Variants in PTPRG observed in about 807,000 individuals in gnomAD.
The protein encoded by PTPRG is protein tyrosine phosphatase receptor type G.
A neutral mutation model predicts 165.3 loss-of-function variants in PTPRG; 102 were observed. The observed-to-expected ratio is 0.62, with a 90% CI of 0.53 to 0.73. The LOEUF is 0.73. Ranked by LOEUF, PTPRG falls within the 30% of genes least tolerant of loss-of-function variation. The probability of loss-of-function intolerance (pLI) is 0.00; values close to 1 mark genes in which losing one functional copy is unlikely to be tolerated. For synonymous variants in PTPRG, 675 were observed against 669.5 expected (o/e 1.01, Z -0.13); for missense variants, 1,866 against 1,861.4 (o/e 1.00, Z -0.05).
At chr3:61,867,178 C>T (rs552240358) in intron 2 of PTPRG, among the ~76,000 whole-genome samples, 1 of 152,242 alleles carries the variant, frequency 6.6e-6, no homozygotes, top group African/African-American at 2.4e-5. Flanking sequence ...TGATGGCGGC[C>T]CCACTGGGTG....
intron 2 of PTPRG, among the ~76,000 whole-genome samples, chr3:61,985,073 C>G (rs992832615): frequency 2.6e-5 from 4 of 152,352 alleles, no homozygotes; most frequent in Middle Eastern, 3.4e-3. Context: ...ACTAAGGTGA[C>G]TTTTGCTAGG....
intron 4 of PTPRG, among the ~76,000 whole-genome samples, chr3:62,075,621 G>C (rs1196307614): frequency 3.9e-5 from 6 of 152,324 alleles, no homozygotes. Context: ...CCTAGGAAGT[G>C]TCCTGATTTG....
intron 2 of PTPRG, among the ~76,000 whole-genome samples, chr3:61,809,625 A>G (rs2035514497): frequency 6.6e-6 from 1 of 152,200 alleles, no homozygotes. Context: ...TGGACAGTGA[A>G]TACTATATGT....
intron 7 of PTPRG, among the ~76,000 whole-genome samples, chr3:62,165,659 T>C (rs1003423588): frequency 1.3e-5 from 2 of 152,228 alleles, no homozygotes; most frequent in African/African-American, 4.8e-5. Flanking sequence ...TTAGGCTGGT[T>C]GTGAATCCGT....
chr3:61,862,528 C>T (rs1340806030), intron 2 of PTPRG, among the ~76,000 whole-genome samples: 2 of 152,012 alleles, frequency 1.3e-5, no homozygotes, highest in East Asian at 1.9e-4. Flanking sequence ...GCTGGGATTA[C>T]AGGCATGCAC....
intron 6 of PTPRG, among the ~76,000 whole-genome samples, chr3:62,141,840 T>G (rs546657370): frequency 6.6e-6 from 1 of 150,934 alleles, no homozygotes; most frequent in Non-Finnish European, 1.5e-5. Context: ...ACCCAGGAGG[T>G]TGAGGCTGCA....
intron 2 of PTPRG, among the ~76,000 whole-genome samples, chr3:61,883,299 C>T (rs1009316587): frequency 6.6e-6 from 1 of 152,138 alleles, no homozygotes; most frequent in Non-Finnish European, 1.5e-5. Context: ...TACATCAGGT[C>T]CTTTGTCACC....
chr3:62,244,551 C>T (rs1383150854), intron 15 of PTPRG, among the ~76,000 whole-genome samples: 1 of 152,048 alleles, frequency 6.6e-6, no homozygotes, highest in Non-Finnish European at 1.5e-5. Context: ...TTATGTGCTT[C>T]CAAATACGTA....
chr3:62,230,885 G>A (rs1406619961), intron 13 of PTPRG, among the ~76,000 whole-genome samples: 1 of 152,232 alleles, frequency 6.6e-6, no homozygotes, highest in Non-Finnish European at 1.5e-5. Flanking sequence ...TGCCAGGGCA[G>A]TGTGTCAAAG....
At chr3:61,837,740 C>G (rs1284295673) in intron 2 of PTPRG, among the ~76,000 whole-genome samples, 1 of 152,160 alleles carries the variant, frequency 6.6e-6, no homozygotes, top group East Asian at 1.9e-4. Flanking sequence ...ACATTGAAAC[C>G]AGATGTATTA....
chr3:61,679,171 C>G (rs1001149043), intron 1 of PTPRG, among the ~76,000 whole-genome samples: 3 of 152,188 alleles, frequency 2.0e-5, no homozygotes, highest in African/African-American at 7.2e-5. Flanking sequence ...CCAAATGATA[C>G]ATTAATTGAT....
intron 4 of PTPRG, among the ~76,000 whole-genome samples, chr3:62,061,535 A>G (rs1700810445): frequency 6.6e-6 from 1 of 152,144 alleles, no homozygotes. Flanking sequence ...TATCTATCAG[A>G]GTCTCAAGAT....
At chr3:61,688,563 T>C (rs2029924969) in intron 1 of PTPRG, among the ~76,000 whole-genome samples, 1 of 152,222 alleles carries the variant, frequency 6.6e-6, no homozygotes, top group Non-Finnish European at 1.5e-5. Flanking sequence ...TGGGGCTCTC[T>C]GGTGGATTGG....
rs975584208 is a variant in PTPRG at position 61,585,492 on chromosome 3, C to T, written c.85+23120C>T. Among the ~76,000 whole-genome samples, 6 of 152,082 alleles carry T rather than the reference C, an allele frequency of 3.9e-5. 1 individual carries two copies. Among genetic ancestry groups the T allele is most frequent in the Admixed American group, 3.3e-4 (5 of 15,282 alleles). On this transcript the variant is annotated intron_variant, in intron 1 of 29. Coordinates refer to ENST00000474889, the MANE Select transcript of PTPRG (RefSeq NM_002841.4). ...CTGGTGTGGTGGCTCCCACCTAAAT[C>T]CCAGCACTTTGGGAGGCTGAGGAGG...
intron 5 of PTPRG, among the ~76,000 whole-genome samples, chr3:62,081,295 A>C (rs1701571438): frequency 6.6e-6 from 1 of 150,868 alleles, no homozygotes; most frequent in African/African-American, 2.4e-5. Flanking sequence ...CAAACAAACA[A>C]AAACATAATT....
chr3:61,596,807 C>T, intron 1 of PTPRG, among the ~76,000 whole-genome samples: 2 of 151,832 alleles, frequency 1.3e-5, no homozygotes, highest in Middle Eastern at 6.8e-3. Context: ...ATTATGTTTA[C>T]TCTTATTCCC....
chr3:62,034,744 C>A (rs1007976333), intron 4 of PTPRG, among the ~76,000 whole-genome samples: 17 of 152,132 alleles, frequency 1.1e-4, no homozygotes, highest in African/African-American at 3.4e-4. Flanking sequence ...TGGCAGCGGA[C>A]AAGGATGAAT....
chr3:61,649,157 T>TC (rs1266886813), intron 1 of PTPRG, among the ~76,000 whole-genome samples: 6 of 130,538 alleles, frequency 4.6e-5, no homozygotes, highest in Non-Finnish European at 9.7e-5. Context: ...CTTCCCTCCC[T>TC]CCCTTCTTTC....
At chr3:61,887,741 G>A (rs1363583383) in intron 2 of PTPRG, among the ~76,000 whole-genome samples, 1 of 151,052 alleles carries the variant, frequency 6.6e-6, no homozygotes, top group African/African-American at 2.4e-5. Flanking sequence ...AAGGCTGATG[G>A]TTAAATCATC....
Sources: allele counts gnomAD v4.1 joint callset (sites outside exome capture counted in the v4.1 genomes callset), GRCh38; gene constraint gnomAD v4.1.1; transcripts MANE v1.5; gene names NCBI Gene and HGNC (gene_info 2026-07-23, HGNC 2026-07-21).